The following TRHDE variants were observed in gnomAD, a reference collection of about 807,000 sequenced individuals.
TRHDE encodes thyrotropin releasing hormone degrading enzyme.
Under a neutral mutation model 125.7 loss-of-function variants are expected in TRHDE, and 72 were observed. The observed-to-expected ratio is 0.57, with a 90% CI of 0.47 to 0.70. The LOEUF (loss-of-function observed/expected upper bound fraction) is 0.70, where lower values mean the gene tolerates loss of function less well. Among genes scored for constraint, TRHDE ranks in the 30% least tolerant of loss-of-function variants. The pLI, the probability that TRHDE is intolerant of heterozygous loss-of-function variation, is 0.00. For missense variants in TRHDE, 1,110 were observed against 1,327.1 expected, an observed-to-expected ratio of 0.84 and a Z score of 2.54; for synonymous variants, 509 against 509.1, an observed-to-expected ratio of 1.00 and a Z score of 0.00.
At chr12:72,501,643 T>C (rs1259318196) in intron 6 of TRHDE, among the ~76,000 whole-genome samples, 1 of 152,142 alleles carries the variant, frequency 6.6e-6, no homozygotes, top group Non-Finnish European at 1.5e-5. Context: ...GATATTAGTA[T>C]GTAATTTTCT....
intron 3 of TRHDE, among the ~76,000 whole-genome samples, chr12:72,390,675 T>C (rs1035217663): frequency 1.4e-4 from 21 of 152,218 alleles, no homozygotes; most frequent in African/African-American, 5.1e-4. Context: ...CCAGAACTTT[T>C]CAGACCTTAC....
intron 1 of TRHDE, among the ~76,000 whole-genome samples, chr12:72,103,068 C>A (rs1032127329): frequency 6.6e-6 from 1 of 152,210 alleles, no homozygotes; most frequent in Non-Finnish European, 1.5e-5. Context: ...CTACTTCCTT[C>A]TTCCCAAAAG....
At chr12:72,151,423 G>A (rs1238093818) in intron 2 of TRHDE, among the ~76,000 whole-genome samples, 4 of 152,096 alleles carry the variant, frequency 2.6e-5, no homozygotes, top group Non-Finnish European at 4.4e-5. Context: ...GTCAATTTTG[G>A]CTTCTGTTGC....
chr12:72,608,878 G>A (rs982130845), intron 12 of TRHDE, among the ~76,000 whole-genome samples: 3 of 152,142 alleles, frequency 2.0e-5, no homozygotes, highest in Non-Finnish European at 4.4e-5. Flanking sequence ...AGGAGGACTG[G>A]GTTCAAATTC....
intron 12 of TRHDE, among the ~76,000 whole-genome samples, chr12:72,614,779 C>A (rs10879465): frequency 0.41 from 61,654 of 151,478 alleles, 14,548 homozygotes; most frequent in African/African-American, 0.65. Context: ...TTTCTATACA[C>A]GCTACCCATC....
chr12:72,605,914 T>TG (rs1740030338), intron 12 of TRHDE, among the ~76,000 whole-genome samples: 1 of 121,286 alleles, frequency 8.2e-6, no homozygotes, highest in East Asian at 3.0e-4. Flanking sequence ...TGTTACTAAA[T>TG]GAAAAAAGCC....
At chr12:72,285,522 C>CTTTT (rs370394091) in intron 1 of TRHDE, among the ~76,000 whole-genome samples, 2 of 131,432 alleles carry the variant, frequency 1.5e-5, no homozygotes, top group Non-Finnish European at 3.2e-5. Context: ...TTTTTTTCTT[C>CTTTT]TTTTTTTTTT....
chr12:72,344,989 G>A (rs1870251003), intron 2 of TRHDE, among the ~76,000 whole-genome samples: 1 of 152,090 alleles, frequency 6.6e-6, no homozygotes, highest in Admixed American at 6.6e-5. Context: ...CTAGCTCTCT[G>A]ATTATAATTC....
intron 3 of TRHDE, among the ~76,000 whole-genome samples, chr12:72,378,889 G>A (rs1016372638): frequency 6.6e-6 from 1 of 152,106 alleles, no homozygotes; most frequent in African/African-American, 2.4e-5. Context: ...GAGTCAACAC[G>A]ATTTTCCAGG....
chr12:72,230,544 A>G (rs939043723), intron 2 of TRHDE, among the ~76,000 whole-genome samples: 1 of 152,108 alleles, frequency 6.6e-6, no homozygotes, highest in Admixed American at 6.6e-5. Context: ...TACCCAAAAT[A>G]TATCTCATTC....
At chr12:72,578,985 T>TTTTG (rs1491266284) in intron 12 of TRHDE, among the ~76,000 whole-genome samples, 3 of 57,670 alleles carry the variant, frequency 5.2e-5, no homozygotes, top group African/African-American at 3.7e-4. Flanking sequence ...CTGTTTAGTG[T>TTTTG]TTTTTTTTTT....
In TRHDE at chr12:72,299,979, G is replaced by A. The variant is rs143469487; in HGVS notation, c.1188+13025G>A. ...TCGTGGGTGAAAGGCAAATTTGAGA[G>A]TTTTCTTCGTGAGAGGAAGAGTACA... On this transcript the variant is annotated intron_variant, in intron 2 of 18. Transcript: ENST00000261180. Among the ~76,000 whole-genome samples the A allele has an allele frequency of 8.0e-4, 122 of 152,282 alleles. 1 individual carries two copies. The highest frequency in any genetic ancestry group is 2.9e-3 in the African/African-American group (122 of 41,566).
chr12:72,532,684 A>G (rs1868620159), intron 6 of TRHDE, among the ~76,000 whole-genome samples: 1 of 151,230 alleles, frequency 6.6e-6, no homozygotes, highest in African/African-American at 2.4e-5. Flanking sequence ...TATTAATGCA[A>G]TTAATTATAA....
At position 72,665,950 on chromosome 12, in the gene TRHDE, T is replaced by C. The variant is rs1158347503; in HGVS notation, c.*2755T>C. On this transcript the variant is annotated 3_prime_UTR_variant, in exon 19 of 19. Coordinates refer to ENST00000261180, the MANE Select transcript of TRHDE (RefSeq NM_013381.3). ...CTAACATCTACAATACTAGGTCTAT[T>C]CTTGAGTTTCAATAACATGTATTTT... 6.6e-6 allele frequency: 1 copy of C among 152,108 alleles called. No individual in the cohort carries two copies. The allele number at this position is 152,108 out of a possible 1,614,324, so 9.4% of individuals were successfully genotyped here. A position where few individuals can be genotyped will look rare whatever the true frequency, so the allele number is the denominator to read the frequency against.
At chr12:72,445,413 T>G (rs1435218137) in intron 3 of TRHDE, among the ~76,000 whole-genome samples, 1 of 151,928 alleles carries the variant, frequency 6.6e-6, no homozygotes, top group Non-Finnish European at 1.5e-5. Context: ...TGATTGCTTG[T>G]GCTTCTCAGG....
intron 2 of TRHDE, among the ~76,000 whole-genome samples, chr12:72,191,733 GCA>G (rs1426923440): frequency 1.3e-5 from 2 of 152,064 alleles, no homozygotes; most frequent in Admixed American, 1.3e-4. Flanking sequence ...AGGTAAACTA[GCA>G]ATAATAAAAA....
chr12:72,107,493 T>C (rs577918085), intron 2 of TRHDE, among the ~76,000 whole-genome samples: 1 of 152,260 alleles, frequency 6.6e-6, no homozygotes, highest in Admixed American at 6.5e-5. Flanking sequence ...TGTGACTTCA[T>C]CTGCTGGATC....
intron 2 of TRHDE, among the ~76,000 whole-genome samples, chr12:72,149,860 A>G (rs1163703916): frequency 6.6e-6 from 1 of 152,174 alleles, no homozygotes; most frequent in East Asian, 1.9e-4. Context: ...ATATAGCTTT[A>G]TATTATAATT....
At position 72,227,840 on chromosome 12, in the gene TRHDE, G is replaced by C. The variant is rs1878165566; in HGVS notation, n.279+122088G>C. On this transcript the variant is annotated intron_variant and non_coding_transcript_variant, in intron 2 of 4. Coordinates refer to the TRHDE transcript ENST00000548156. ...GGGCTACAGGACCCATGCATTCTGG[G>C]AAATCCAGTGGGGTAGTCAAATCTT... Among the ~76,000 whole-genome samples the C allele has an allele frequency of 2.6e-5, 4 of 152,304 alleles. No homozygotes were observed. The South Asian group carries it at 8.3e-4, about 32-fold the overall frequency.
Sources: gnomAD v4.1 joint callset for allele counts (sites outside exome capture counted in the v4.1 genomes callset) on GRCh38, gnomAD v4.1.1 for gene constraint, MANE v1.5 for transcripts, NCBI Gene and HGNC (gene_info 2026-07-23, HGNC 2026-07-21) for gene names.